The following CSHL1 variants were observed in gnomAD, a reference collection of about 807,000 sequenced individuals.
CSHL1 encodes chorionic somatomammotropin hormone-like 1.
CSHL1 carries 25 observed loss-of-function variants against 24.3 expected under a neutral mutation model. The ratio of observed to expected loss-of-function variants is 1.03; its 90% confidence interval spans 0.75 to 1.44. The LOEUF (loss-of-function observed/expected upper bound fraction) is 1.44, where lower values mean the gene tolerates loss of function less well. Ranked by LOEUF, CSHL1 falls within the 40% of genes most tolerant of loss-of-function variation. CSHL1 has a pLI of 0.00. For synonymous variants in CSHL1, 157 were observed against 115.6 expected, an observed-to-expected ratio of 1.36 and a Z score of -2.30; for missense variants, 342 against 279.3, an observed-to-expected ratio of 1.22 and a Z score of -1.60.
intron 1 of CSHL1, 42 bp downstream of exon 1, chr17:63,911,145 C>T (rs367592754): frequency 5.1e-5 from 83 of 1,613,004 alleles, no homozygotes; most frequent in East Asian, 1.1e-4. Context: ...CGCCTCTCCC[C>T]TCAGGACACG....
intron 2 of CSHL1, 28 bp from the exon 3 acceptor site, chr17:63,910,563 G>T: frequency 1.2e-6 from 2 of 1,614,152 alleles, no homozygotes; most frequent in Non-Finnish European, 1.7e-6. Flanking sequence ...CCCCCACCAA[G>T]AAGGACCACT....
At chr17:63,910,962 G>A in intron 1 of CSHL1, 38 bp from the exon 2 acceptor site, 1 of 1,613,016 alleles carries the variant, frequency 6.2e-7, no homozygotes, top group Non-Finnish European at 8.5e-7. Context: ...GAGCCGCAGA[G>A]CAAGAGGCCA....
rs1308365709 is a variant in CSHL1, at chr17:63,910,767, C to G, written c.168G>C (p.Glu56Asp). Residue 56 changes from glutamate to aspartate, a missense_variant, in exon 2 of 5, where the codon GAG becomes GAC. Glu to Asp is a conservative substitution (Grantham distance 45). Transcript: ENST00000309894. ...CACCCATTCCCCAAGAGCTTATAAA[C>G]TCCTGGTAGGTGTCAATGGCCAGCT... ...AHQLAIDTYQEFISSWGMEAY... is the reference protein window; with the variant it reads ...AHQLAIDTYQDFISSWGMEAY... 1.2e-6 allele frequency: 2 copies of G among 1,614,270 alleles called. No individual in the cohort carries two copies. Among genetic ancestry groups the G allele is most frequent in the Admixed American group, 1.7e-5 (1 of 60,038 alleles).
Position 63,910,885 on chromosome 17 carries a change from C to CAG in CSHL1, c.48_49dup (p.Cys17SerfsTer43). ...ACCAGCCTCTTGAAGCCAGGGCAGGCAGAGCAGGGCAAAAGCCAGGAGCAG... is the reference window on the plus strand; with the variant it reads ...ACCAGCCTCTTGAAGCCAGGGCAGGCAGAGAGCAGGGCAAAAGCCAGGAGCAG... On this transcript the variant is annotated frameshift_variant, in exon 2 of 5. Coordinates refer to ENST00000309894, the MANE Select transcript of CSHL1 (RefSeq NM_022579.3). LOFTEE classifies it high-confidence loss of function. The CAG allele has an allele frequency of 3.1e-6, 5 of 1,614,128 alleles. No homozygotes were observed. The highest frequency in any genetic ancestry group is 4.2e-6 in the Non-Finnish European group (5 of 1,180,022).
rs111550816 is a variant in CSHL1, at chr17:63,910,407, A to G, written c.306+13T>C. ...TCCCCCATCCCCGCCTAGGGGAGAC[A>G]GCATCCACTCACGGATTTCTGCTGC... On this transcript the variant is annotated intron_variant, in intron 3 of 4. Coordinates refer to ENST00000309894, the MANE Select transcript of CSHL1 (RefSeq NM_022579.3). 7.6e-4 allele frequency: 1,231 copies of G among 1,614,190 alleles called. 8 individuals carry two copies. In the African/African-American group the frequency reaches 0.012, roughly 16 times the overall value.
rs557261477 is a variant in CSHL1, at chr17:63,910,550, G to A, written c.191-15C>T. 6.2e-7 allele frequency: 1 copy of A among 1,614,046 alleles called. No homozygotes were observed. The highest frequency in any genetic ancestry group is 1.3e-5 in the African/African-American group (1 of 74,996). ...GATATAGGCTTCTTCCTAGGGGAAG[G>A]ACCCCCCACCAAGAAGGACCACTGC... On this transcript the variant is annotated splice_polypyrimidine_tract_variant and intron_variant, in intron 2 of 4. Coordinates refer to ENST00000309894, the MANE Select transcript of CSHL1 (RefSeq NM_022579.3).
At position 63,911,174 on chromosome 17, in the gene CSHL1, T is replaced by C. The variant is rs764139563; in HGVS notation, c.10+13A>G. 3 of 1,613,742 alleles carry C rather than the reference T, an allele frequency of 1.9e-6. No homozygotes were observed. The South Asian group carries it at 3.3e-5, about 18-fold the overall frequency. Reference sequence around the variant, plus strand: ...GGACACGTTGTGCCCAAAGGGATTTTAGGGGCGCTTACCTGCAGCCATTGC... The same window carrying C: ...GGACACGTTGTGCCCAAAGGGATTTCAGGGGCGCTTACCTGCAGCCATTGC... On this transcript the variant is annotated intron_variant, in intron 1 of 4. Coordinates refer to ENST00000309894, the MANE Select transcript of CSHL1 (RefSeq NM_022579.3).
rs201146521 is a variant in CSHL1 at position 63,910,511 on chromosome 17, T to G, written c.215A>C (p.Lys72Thr). Residue 72 changes from lysine to threonine, a missense_variant, in exon 3 of 5, where the codon AAG (lysine) becomes ACG (threonine). Physicochemically the swap from Lys to Thr is moderately conservative, Grantham distance 78 (BLOSUM62 -1). Coordinates refer to ENST00000309894, the MANE Select transcript of CSHL1 (RefSeq NM_022579.3). ...GMEAYITKEQKYSFLHDSQTS... is the reference protein window; with the variant it reads ...GMEAYITKEQTYSFLHDSQTS... ...CTGGGAGTCATGCAGGAATGAATAC[T>G]TCTGTTCCTTTGTGATATAGGCTTC... 2.2e-4 allele frequency: 357 copies of G among 1,614,030 alleles called. No individual in the cohort carries two copies. The highest frequency in any genetic ancestry group is 2.8e-4 in the Non-Finnish European group (329 of 1,180,022).
Position 63,910,900 on chromosome 17 carries a change from G to A in CSHL1, c.35C>T (p.Ala12Val). ...AAGSRTSLLL[A>V]FALLCLPWLQ... The stretch of plus-strand genomic sequence containing the variant: ...CCAGGGCAGGCAGAGCAGGGCAAAA[G>A]CCAGGAGCAGGGACGTCCGGGAGCC... Residue 12 changes from alanine to valine, a missense_variant, in exon 2 of 5, where the codon GCT becomes GTT. By Grantham distance (64) the Ala-to-Val change is moderately conservative. Transcript: ENST00000309894. 2 of 1,614,114 alleles carry A rather than the reference G, an allele frequency of 1.2e-6. No individual in the cohort carries two copies. Among genetic ancestry groups the A allele is most frequent in the Non-Finnish European group, 1.7e-6 (2 of 1,179,996 alleles).
chr17:63,909,777 C>G lies in CSHL1; in HGVS notation c.603G>C (p.Met201Ile). Reference protein sequence around the residue: ...YGLLHCFRKDMDKVETFLRMV... With the variant: ...YGLLHCFRKDIDKVETFLRMV... ...TGCGCAGGAATGTCTCGACCTTGTC[C>G]ATGTCCTTCCTGAAGCAGTGGAGCA... The change falls in exon 5 of 5, where the codon ATG becomes ATC. Residue 201 changes from methionine to isoleucine, a missense_variant. Transcript: ENST00000309894. 1 of 1,614,090 alleles carries G rather than the reference C, an allele frequency of 6.2e-7. No homozygotes were observed. The highest frequency in any genetic ancestry group is 1.7e-5 in the Admixed American group (1 of 60,020).
chr17:63,910,117 AG>A (rs1906775608), intron 4 of CSHL1, 44 bp downstream of exon 4: 1 of 1,614,042 alleles, frequency 6.2e-7, no homozygotes, highest in African/African-American at 1.3e-5. Context: ...CAGCCCTCGA[AG>A]CCAGTGGGCT....
rs141611142 is a variant in CSHL1, at chr17:63,910,440, C to T, written c.286G>A (p.Glu96Lys). The T allele has an allele frequency of 3.0e-4, 483 of 1,614,164 alleles. No individual in the cohort carries two copies. The highest frequency in any genetic ancestry group is 3.8e-4 in the Non-Finnish European group (445 of 1,180,030). The change falls in exon 3 of 5, where the codon GAG (glutamate) becomes AAG (lysine). Residue 96 changes from glutamate (E) to lysine (K), a missense_variant. Glu to Lys is a moderately conservative substitution (Grantham distance 56). Coordinates refer to ENST00000309894, the MANE Select transcript of CSHL1 (RefSeq NM_022579.3). ...CTCACGGATTTCTGCTGCGTTTCCT[C>T]CATGTTGGAGGATGTCGGAATAGAG... Reference protein sequence around the residue: ...SDSIPTSSNMEETQQKSNLEL... With the variant: ...SDSIPTSSNMKETQQKSNLEL...
intron 2 of CSHL1, 65 bp from the exon 3 acceptor site, chr17:63,910,600 A>G: frequency 2.5e-6 from 4 of 1,613,936 alleles, no homozygotes; most frequent in Non-Finnish European, 3.4e-6. Flanking sequence ...ACCAGCTCCC[A>G]CTGTTACTCT....
intron 3 of CSHL1, 32 bp from the exon 4 acceptor site, chr17:63,910,358 G>T: frequency 2.5e-6 from 4 of 1,614,148 alleles, no homozygotes; most frequent in Non-Finnish European, 3.4e-6. Flanking sequence ...TGGCTGTGCT[G>T]CCCGGGGGCT....
At position 63,910,474 on chromosome 17, in the gene CSHL1, G is replaced by A. The variant is rs375716548; in HGVS notation, c.252C>T (p.Cys84=). 3 of 1,614,068 alleles carry A rather than the reference G, an allele frequency of 1.9e-6. No individual in the cohort carries two copies. Among genetic ancestry groups the A allele is most frequent in the Non-Finnish European group, 2.5e-6 (3 of 1,180,044 alleles). The change falls in exon 3 of 5, where the codon TGC becomes TGT. Residue 84 remains cysteine, a synonymous_variant. Coordinates refer to ENST00000309894, the MANE Select transcript of CSHL1 (RefSeq NM_022579.3). ...AGGATGTCGGAATAGAGTCTGAGAA[G>A]CAGAAGGAGGTCTGGGAGTCATGCA... ...SFLHDSQTSF[C]FSDSIPTSSN...
intron 2 of CSHL1, 25 bp from the exon 3 acceptor site, chr17:63,910,560 C>T: frequency 6.2e-7 from 1 of 1,614,184 alleles, no homozygotes; most frequent in Non-Finnish European, 8.5e-7. Context: ...GACCCCCCAC[C>T]AAGAAGGACC....
At position 63,910,740 on chromosome 17, in the gene CSHL1, C is replaced by G. The variant is rs779899767; in HGVS notation, c.190+5G>C. On this transcript the variant is annotated splice_donor_5th_base_variant and intron_variant, in intron 2 of 4. Coordinates refer to ENST00000309894, the MANE Select transcript of CSHL1 (RefSeq NM_022579.3). ...TCACCCCTTCTTGCCACCCCTGACC[C>G]GCACCCATTCCCCAAGAGCTTATAA... is the stretch of plus-strand genomic sequence containing the variant. 3 of 1,614,196 alleles carry G rather than the reference C, an allele frequency of 1.9e-6. No homozygotes were observed. The highest frequency in any genetic ancestry group is 1.7e-5 in the Admixed American group (1 of 60,030).
In CSHL1 at chr17:63,910,766, A is replaced by C. The variant is rs1452778216; in HGVS notation, c.169T>G (p.Phe57Val). ...HQLAIDTYQE[F>V]ISSWGMEAYI... ...GCACCCATTCCCCAAGAGCTTATAA[A>C]CTCCTGGTAGGTGTCAATGGCCAGC... Residue 57 changes from phenylalanine (F) to valine (V), a missense_variant, in exon 2 of 5, where the codon TTT becomes GTT. Physicochemically the swap from Phe to Val is conservative, Grantham distance 50. Transcript: ENST00000309894. The C allele has an allele frequency of 6.2e-7, 1 of 1,613,840 alleles. No homozygotes were observed. Among genetic ancestry groups the C allele is most frequent in the Non-Finnish European group, 8.5e-7 (1 of 1,180,002 alleles).
chr17:63,911,063 C>T, intron 1 of CSHL1, 124 bp downstream of exon 1: 3 of 1,611,044 alleles, frequency 1.9e-6, no homozygotes, highest in Non-Finnish European at 2.5e-6. Context: ...AAATATCTGG[C>T]CTTAGATGGC....
Sources: allele counts gnomAD v4.1 joint callset, GRCh38; gene constraint gnomAD v4.1.1; transcripts MANE v1.5; gene names NCBI Gene and HGNC (gene_info 2026-07-23, HGNC 2026-07-21).